Variants in USP3 observed in about 807,000 individuals in gnomAD.
USP3 encodes the protein ubiquitin specific peptidase 3.
USP3 carries 20 observed loss-of-function variants against 72.3 expected under a neutral mutation model. That is an observed-to-expected ratio of 0.28 (90% confidence interval 0.19 to 0.40). The LOEUF is 0.40. Ranked by LOEUF, USP3 falls within the 10% of genes least tolerant of loss-of-function variation. USP3 has a pLI of 1.00. For missense variants in USP3, 479 were observed against 633.9 expected (o/e 0.76, Z 2.62); for synonymous variants, 222 against 225.3 (o/e 0.99, Z 0.13).
chr15:63,570,484 C>G lies in USP3; in HGVS notation c.813C>G (p.His271Gln). Residue 271 changes from histidine to glutamine, a missense_variant, in exon 9 of 15, where the codon CAC becomes CAG. By Grantham distance (24) the His-to-Gln change is conservative. Transcript: ENST00000380324. This position sits in a 1 kb window ranked among gnomAD's most constrained non-coding sequence, Gnocchi z 4.4. ...AHEFMRYLLD[H>Q]LHLELQGGFN... is the part of the protein sequence containing the mutation. ...AATTCATGCGCTACCTTTTGGACCA[C>G]CTACACTTGGAACTTCAGGGCGGTT... 1 of 1,614,196 alleles carries G rather than the reference C, an allele frequency of 6.2e-7. No homozygotes were observed. Among genetic ancestry groups the G allele is most frequent in the Non-Finnish European group, 8.5e-7 (1 of 1,180,026 alleles).
chr15:63,543,835 A>G (rs944981486), intron 3 of USP3, among the ~76,000 whole-genome samples: 3 of 152,262 alleles, frequency 2.0e-5, no homozygotes, highest in African/African-American at 7.2e-5. Context: ...ATGTTTAAAA[A>G]TTAACATGAA....
rs1295755581 is a variant in USP3 at position 63,573,059 on chromosome 15, A to G, written c.909-987A>G. Among the ~76,000 whole-genome samples the G allele has an allele frequency of 2.0e-5, 3 of 152,180 alleles. No homozygotes were observed. The East Asian group carries it at 5.8e-4, about 29-fold the overall frequency. On this transcript the variant is annotated intron_variant, in intron 9 of 14. Coordinates refer to ENST00000380324, the MANE Select transcript of USP3 (RefSeq NM_006537.4). ...GCCTACTACTCCTGGTCTCACTGGTACGCTTTCTCAGTAGTTCTTGCTTCC... is the reference window on the plus strand; with the variant it reads ...GCCTACTACTCCTGGTCTCACTGGTGCGCTTTCTCAGTAGTTCTTGCTTCC...
chr15:63,590,040 CCTTG>C (rs2067161079), intron 14 of USP3, among the ~76,000 whole-genome samples: 1 of 152,116 alleles, frequency 6.6e-6, no homozygotes, highest in African/African-American at 2.4e-5. Flanking sequence ...GGGTTGATTG[CCTTG>C]CTTGTTCTTC....
At chr15:63,556,813 C>T (rs980382960) in intron 5 of USP3, 65 bp downstream of exon 5, 35 of 1,117,000 alleles carry the variant, frequency 3.1e-5, no homozygotes, top group Non-Finnish European at 4.2e-5. Flanking sequence ...TTTGTTACAA[C>T]TCTAACATGT....
chr15:63,521,568 G>A lies in USP3; in HGVS notation c.92-11079G>A, dbSNP rs573011263. Among the ~76,000 whole-genome samples the A allele has an allele frequency of 2.6e-4, 40 of 152,256 alleles. No individual in the cohort carries two copies. In the South Asian group the frequency reaches 5.6e-3, roughly 21 times the overall value. On this transcript the variant is annotated intron_variant, in intron 1 of 14. Coordinates refer to ENST00000380324, the MANE Select transcript of USP3 (RefSeq NM_006537.4). ...GGGAAACCTTGAAATTAGAGAGCTGGAAGTAGCCTTGGGGACATTTTTAGT... is the reference window on the plus strand; with the variant it reads ...GGGAAACCTTGAAATTAGAGAGCTGAAAGTAGCCTTGGGGACATTTTTAGT...
intron 1 of USP3, among the ~76,000 whole-genome samples, chr15:63,505,746 T>G (rs1053218737): frequency 6.6e-6 from 1 of 152,218 alleles, no homozygotes; most frequent in African/African-American, 2.4e-5. Flanking sequence ...GGTAGGGCCC[T>G]GGTGCCACCG....
At chr15:63,580,016 ACAAGGGTG>A (rs2066926459) in intron 11 of USP3, among the ~76,000 whole-genome samples, 1 of 152,198 alleles carries the variant, frequency 6.6e-6, no homozygotes, top group South Asian at 2.1e-4. Flanking sequence ...AATTTCACTT[ACAAGGGTG>A]GACAATAGTA....
At chr15:63,505,882 G>A (rs2152644643) in intron 1 of USP3, among the ~76,000 whole-genome samples, 1 of 152,284 alleles carries the variant, frequency 6.6e-6, no homozygotes, top group East Asian at 1.9e-4. Context: ...AACGGCAATG[G>A]TATGATTTAG....
At chr15:63,583,950 T>G (rs1193946633) in intron 11 of USP3, among the ~76,000 whole-genome samples, 1 of 152,164 alleles carries the variant, frequency 6.6e-6, no homozygotes, top group Non-Finnish European at 1.5e-5. Flanking sequence ...AGTATCTGAG[T>G]TCCTGCTTCC....
At chr15:63,513,504 C>T (rs911626843) in intron 1 of USP3, among the ~76,000 whole-genome samples, 2 of 152,130 alleles carry the variant, frequency 1.3e-5, no homozygotes, top group African/African-American at 4.8e-5. Context: ...TTCAGCCTCC[C>T]AAGTAGCTGG....
intron 11 of USP3, among the ~76,000 whole-genome samples, chr15:63,578,622 A>AAAT (rs1395095626): frequency 2.0e-5 from 3 of 151,724 alleles, no homozygotes; most frequent in African/African-American, 7.3e-5. Flanking sequence ...AGAAAAAAAA[A>AAAT]AAAAAAGAAG....
chr15:63,543,351 T>C (rs1283060341), intron 3 of USP3, among the ~76,000 whole-genome samples: 1 of 152,156 alleles, frequency 6.6e-6, no homozygotes, highest in Non-Finnish European at 1.5e-5. Context: ...GAGAAGCTAC[T>C]ATGTGCTAGG....
chr15:63,532,597 G>A (rs760961560), intron 1 of USP3, 50 bp from the exon 2 acceptor site: 2 of 1,599,284 alleles, frequency 1.3e-6, no homozygotes, highest in African/African-American at 1.3e-5. Flanking sequence ...GGGAGAAATT[G>A]GGAAATAACA....
chr15:63,586,397 GTTTCC>G (rs1266633047), intron 11 of USP3, among the ~76,000 whole-genome samples: 1 of 152,116 alleles, frequency 6.6e-6, no homozygotes, highest in Admixed American at 6.5e-5. Flanking sequence ...AAAATTCTGT[GTTTCC>G]TTTCCTTATT....
intron 11 of USP3, among the ~76,000 whole-genome samples, chr15:63,579,226 A>G (rs548609796): frequency 5.3e-5 from 8 of 152,356 alleles, no homozygotes; most frequent in African/African-American, 1.9e-4. Context: ...GGAAGACCCA[A>G]TATGGTAGAA....
intron 1 of USP3, among the ~76,000 whole-genome samples, chr15:63,530,116 GAC>G (rs915134491): frequency 5.9e-5 from 9 of 152,118 alleles, no homozygotes; most frequent in African/African-American, 2.2e-4. Context: ...CAGCCTGGGC[GAC>G]AGAGTGAGAC....
chr15:63,534,721 G>A (rs889437693), intron 2 of USP3, among the ~76,000 whole-genome samples: 2 of 152,076 alleles, frequency 1.3e-5, no homozygotes, highest in Non-Finnish European at 2.9e-5. Context: ...CTACAGCATT[G>A]TAGTTAAATG....
intron 1 of USP3, among the ~76,000 whole-genome samples, chr15:63,519,262 G>A (rs140341035): frequency 2.4e-4 from 36 of 151,582 alleles, no homozygotes; most frequent in Middle Eastern, 3.5e-3. Context: ...ATATTTAGTT[G>A]TCATAGCTCT....
chr15:63,547,681 G>T (rs999391127), intron 3 of USP3, among the ~76,000 whole-genome samples: 9 of 149,760 alleles, frequency 6.0e-5, no homozygotes, highest in Admixed American at 2.0e-4. Context: ...AGTGAGCTGT[G>T]ATCTGTGATA....
Sources: gnomAD v4.1 joint callset for allele counts (sites outside exome capture counted in the v4.1 genomes callset) on GRCh38, gnomAD v4.1.1 for gene constraint, Gnocchi (gnomAD v3.1) non-coding constraint, MANE v1.5 for transcripts, NCBI Gene and HGNC (gene_info 2026-07-23, HGNC 2026-07-21) for gene names.